CTNNA3: variants seen among roughly 807,000 people sequenced by gnomAD.
CTNNA3 encodes the protein catenin alpha 3, also known as catenin alpha-3.
In CTNNA3, 76 loss-of-function variants were observed where a neutral mutation model predicts 95.7. That is an observed-to-expected ratio of 0.79 (90% CI 0.66 to 0.96). CTNNA3 has a LOEUF of 0.96. Ranked by LOEUF, CTNNA3 falls within the 40% of genes least tolerant of loss-of-function variation. The pLI is 0.00. For synonymous variants in CTNNA3, 431 were observed against 374.4 expected, an observed-to-expected ratio of 1.15 and a Z score of -1.74; for missense variants, 1,191 against 1,089.8, an observed-to-expected ratio of 1.09 and a Z score of -1.31.
intron 14 of CTNNA3, among the ~76,000 whole-genome samples, chr10:66,088,485 TTGTGTGTGTGTGTGTGTGTGTGTG>T (rs3074377): frequency 7.2e-6 from 1 of 139,568 alleles, no homozygotes; most frequent in African/African-American, 2.7e-5. Flanking sequence ...GGTAGGTGTT[TTGTGTGTGTGTGTGTGTGTGTGTG>T]TGTGTGTGTG....
chr10:67,713,522 T>A (rs1841124618), intron 1 of CTNNA3, among the ~76,000 whole-genome samples: 1 of 152,184 alleles, frequency 6.6e-6, no homozygotes, highest in Admixed American at 6.5e-5. Context: ...TAGCAAAGAC[T>A]TGGAACCAAC....
chr10:66,691,889 G>T (rs1246364837), intron 9 of CTNNA3, among the ~76,000 whole-genome samples: 1 of 152,130 alleles, frequency 6.6e-6, no homozygotes, highest in Non-Finnish European at 1.5e-5. Context: ...CAACAGACCT[G>T]CAGCTGAGGG....
intron 7 of CTNNA3, among the ~76,000 whole-genome samples, chr10:67,172,186 C>T (rs946588007): frequency 6.6e-6 from 1 of 152,194 alleles, no homozygotes; most frequent in African/African-American, 2.4e-5. Context: ...CCTCTGAAGC[C>T]TGATCCACCC....
At chr10:66,924,892 A>T (rs1846983417) in intron 7 of CTNNA3, among the ~76,000 whole-genome samples, 1 of 152,160 alleles carries the variant, frequency 6.6e-6, no homozygotes, top group Admixed American at 6.5e-5. Context: ...TAGCTGGTAA[A>T]TTGTAGCCAG....
At chr10:66,755,785 C>A (rs368740928) in intron 9 of CTNNA3, among the ~76,000 whole-genome samples, 1 of 152,100 alleles carries the variant, frequency 6.6e-6, no homozygotes, top group Non-Finnish European at 1.5e-5. Context: ...ATCTCCTTTT[C>A]CTAATTCAAC....
In CTNNA3 at chr10:66,199,687, C is replaced by T. The variant is rs182658973; in HGVS notation, c.1884+80783G>A. On this transcript the variant is annotated intron_variant, in intron 13 of 17. Transcript: ENST00000433211. ...GGTGATCTCGGCTCACTGCAACCTT[C>T]GCCTCCCGGGTTCAAGTGATTCTCC... Among the ~76,000 whole-genome samples, 343 of 143,738 alleles carry T rather than the reference C, an allele frequency of 2.4e-3. 10 individuals are homozygous for T. Among genetic ancestry groups the T allele is most frequent in the Non-Finnish European group, 5.9e-4 (39 of 66,534 alleles). 94.3% of individuals were successfully genotyped at this position (143,738 alleles called of 152,430 possible). A position where few individuals can be genotyped will look rare whatever the true frequency, so the allele number is the denominator to read the frequency against.
At chr10:67,105,824 G>A (rs1428914856) in intron 7 of CTNNA3, among the ~76,000 whole-genome samples, 1 of 152,192 alleles carries the variant, frequency 6.6e-6, no homozygotes, top group Non-Finnish European at 1.5e-5. Context: ...TTACACCAGA[G>A]AGGTCTAGGG....
intron 12 of CTNNA3, among the ~76,000 whole-genome samples, chr10:66,353,151 T>G (rs2092580139): frequency 6.6e-6 from 1 of 152,162 alleles, no homozygotes; most frequent in African/African-American, 2.4e-5. Context: ...TAATATACTC[T>G]GAAAACTTTC....
At chr10:66,964,782 A>G (rs1849310085) in intron 7 of CTNNA3, among the ~76,000 whole-genome samples, 1 of 152,156 alleles carries the variant, frequency 6.6e-6, no homozygotes, top group Non-Finnish European at 1.5e-5. Flanking sequence ...AAGGGAGGAG[A>G]TAAAGCAGAT....
chr10:65,969,183 C>T (rs989049727), intron 16 of CTNNA3, among the ~76,000 whole-genome samples: 1 of 151,572 alleles, frequency 6.6e-6, no homozygotes, highest in Admixed American at 6.6e-5. Flanking sequence ...CCTTACCCAG[C>T]ATTCTCTAAA....
chr10:67,049,753 C>T (rs755777216), intron 7 of CTNNA3, among the ~76,000 whole-genome samples: 4 of 152,190 alleles, frequency 2.6e-5, no homozygotes, highest in Non-Finnish European at 5.9e-5. Flanking sequence ...ACAAAAATTA[C>T]TACTGCACAG....
rs115262146 is a variant in CTNNA3 at position 66,096,977 on chromosome 10, G to A, written c.1977+6180C>T. Among the ~76,000 whole-genome samples the A allele has an allele frequency of 9.8e-3, 1,485 of 152,238 alleles. 32 individuals are homozygous for A. Among genetic ancestry groups the A allele is most frequent in the African/African-American group, 0.034 (1,421 of 41,562 alleles). On this transcript the variant is annotated intron_variant, in intron 14 of 17. Coordinates refer to ENST00000433211, the MANE Select transcript of CTNNA3 (RefSeq NM_013266.4). ...TTTTACTAAATGGTGAGGGAAATAA[G>A]AACTTGACAACTATTGGGTCAACTT...
intron 7 of CTNNA3, among the ~76,000 whole-genome samples, chr10:66,994,289 C>T (rs1385373617): frequency 6.6e-6 from 1 of 152,112 alleles, no homozygotes; most frequent in Non-Finnish European, 1.5e-5. Flanking sequence ...GGACATTTAA[C>T]GTAGTTAAAA....
rs113727250 is a variant in CTNNA3, at chr10:66,864,196, A to G, written c.1048-88672T>C. On this transcript the variant is annotated intron_variant, in intron 7 of 17. Coordinates refer to ENST00000433211, the MANE Select transcript of CTNNA3 (RefSeq NM_013266.4). ...TTGGAAACTTAATGTCCAATGCAAC[A>G]GTGTTGGGAGGTGGGGCCTAATAAA... is the stretch of plus-strand genomic sequence containing the variant. Among the ~76,000 whole-genome samples, 335 of 152,312 alleles carry G rather than the reference A, an allele frequency of 2.2e-3. 2 individuals are homozygous for G. Among genetic ancestry groups the G allele is most frequent in the African/African-American group, 7.4e-3 (309 of 41,574 alleles).
chr10:66,816,865 C>G (rs186602850), intron 7 of CTNNA3, among the ~76,000 whole-genome samples: 58 of 152,062 alleles, frequency 3.8e-4, no homozygotes, highest in African/African-American at 1.4e-3. Context: ...AAATCAATAA[C>G]AGAAGAAACA....
At chr10:67,274,620 G>T (rs1230510777) in intron 5 of CTNNA3, among the ~76,000 whole-genome samples, 1 of 152,002 alleles carries the variant, frequency 6.6e-6, no homozygotes, top group Non-Finnish European at 1.5e-5. Flanking sequence ...TTGAGCCCAG[G>T]AATTCAAGAC....
At chr10:67,478,925 T>C (rs571048358) in intron 5 of CTNNA3, among the ~76,000 whole-genome samples, 1 of 150,188 alleles carries the variant, frequency 6.7e-6, no homozygotes, top group African/African-American at 2.4e-5. Context: ...TGGGAAAAGA[T>C]CTATCATGTA....
At chr10:66,901,641 G>A (rs1385980791) in intron 7 of CTNNA3, among the ~76,000 whole-genome samples, 1 of 152,156 alleles carries the variant, frequency 6.6e-6, no homozygotes, top group East Asian at 1.9e-4. Context: ...CACCTCATGT[G>A]CAGAGACACA....
chr10:66,419,055 C>A (rs1422427428), intron 11 of CTNNA3, among the ~76,000 whole-genome samples: 1 of 151,870 alleles, frequency 6.6e-6, no homozygotes, highest in African/African-American at 2.4e-5. Context: ...GAAAAGGCAT[C>A]CAGATTCAAA....
Sources: gnomAD v4.1 joint callset for allele counts (sites outside exome capture counted in the v4.1 genomes callset) on GRCh38, gnomAD v4.1.1 for gene constraint, MANE v1.5 for transcripts, NCBI Gene and HGNC (gene_info 2026-07-23, HGNC 2026-07-21) for gene names.